The following ADD2 variants were observed in gnomAD, a reference collection of about 807,000 sequenced individuals.
ADD2 encodes the protein beta-adducin.
A neutral mutation model predicts 83.0 loss-of-function variants in ADD2; 23 were observed. That is an observed-to-expected ratio of 0.28 (90% CI 0.20 to 0.39). ADD2 has a LOEUF of 0.39. ADD2 is among the 10% of genes least tolerant of loss of function. The pLI, the probability that ADD2 is intolerant of heterozygous loss-of-function variation, is 1.00. For missense variants in ADD2, 758 were observed against 944.9 expected, an observed-to-expected ratio of 0.80 and a Z score of 2.59; for synonymous variants, 375 against 375.4, an observed-to-expected ratio of 1.00 and a Z score of 0.01.
At chr2:70,711,349 G>T (rs1331703640) in intron 2 of ADD2, 1 of 151,978 alleles carries the variant, frequency 6.6e-6, no homozygotes, top group Non-Finnish European at 1.5e-5. Flanking sequence ...CCTATGATAG[G>T]CCCTTGGTTT....
intron 1 of ADD2, among the ~76,000 whole-genome samples, chr2:70,740,616 T>C (rs1460133975): frequency 7.0e-6 from 1 of 143,262 alleles, no homozygotes; most frequent in Non-Finnish European, 1.5e-5. Flanking sequence ...TTTGTTGTCT[T>C]GTTTTTTGTG....
At position 70,656,937 on chromosome 2, in the gene ADD2, T is replaced by TC. The variant is rs1675378276; in HGVS notation, c.*6487dup. ...CTCAGGAAGTGGCTTTGGAAAGTTC[T>TC]CGTGAAAATCAAAGGGCAGCTTTGG... On this transcript the variant is annotated 3_prime_UTR_variant, in exon 16 of 16. Transcript: ENST00000264436. The TC allele has an allele frequency of 6.6e-6, 1 of 152,082 alleles. No homozygotes were observed. The highest frequency in any genetic ancestry group is 1.5e-5 in the Non-Finnish European group (1 of 68,024). The allele number at this position is 152,082 out of a possible 1,614,324, so 9.4% of individuals were successfully genotyped here.
chr2:70,722,312 A>G (rs1022853768), intron 1 of ADD2, among the ~76,000 whole-genome samples: 5 of 148,542 alleles, frequency 3.4e-5, no homozygotes, highest in East Asian at 3.9e-4. Context: ...ACTGAGAAAG[A>G]AAAAAAAAAC....
chr2:70,664,079 G>A (rs1262268067), intron 15 of ADD2, among the ~76,000 whole-genome samples: 3 of 152,186 alleles, frequency 2.0e-5, no homozygotes, highest in African/African-American at 7.2e-5. Context: ...ACAGAGAAAG[G>A]AGAAGGCGTG....
chr2:70,740,724 G>A (rs1673844206), intron 1 of ADD2, among the ~76,000 whole-genome samples: 1 of 151,962 alleles, frequency 6.6e-6, no homozygotes, highest in African/African-American at 2.4e-5. Context: ...TTTTGAGACA[G>A]GGTCTCACTC....
At chr2:70,718,305 C>A (rs1553376769) in intron 1 of ADD2, among the ~76,000 whole-genome samples, 2 of 152,096 alleles carry the variant, frequency 1.3e-5, no homozygotes, top group African/African-American at 4.8e-5. Flanking sequence ...CGGGAGTGAG[C>A]AAGAACTAGA....
intron 1 of ADD2, among the ~76,000 whole-genome samples, chr2:70,714,569 A>G (rs1378112590): frequency 1.3e-5 from 2 of 152,242 alleles, no homozygotes; most frequent in Non-Finnish European, 2.9e-5. Flanking sequence ...ACTTAGGAAC[A>G]GGTTGCTTCT....
At chr2:70,753,304 T>C (rs782530660) in intron 1 of ADD2, among the ~76,000 whole-genome samples, 1 of 152,114 alleles carries the variant, frequency 6.6e-6, no homozygotes, top group Non-Finnish European at 1.5e-5. Context: ...TTCAATGATC[T>C]TGACAAGAAT....
At chr2:70,721,919 C>T (rs186449412) in intron 1 of ADD2, among the ~76,000 whole-genome samples, 5 of 152,124 alleles carry the variant, frequency 3.3e-5, no homozygotes, top group African/African-American at 9.7e-5. Flanking sequence ...AATACTTAGG[C>T]GAGCCCACAA....
At position 70,662,752 on chromosome 2, in the gene ADD2, G is replaced by T. The variant is rs1675586694; in HGVS notation, c.*673C>A. The T allele has an allele frequency of 6.6e-6, 1 of 152,246 alleles. No homozygotes were observed. The highest frequency in any genetic ancestry group is 1.9e-4 in the East Asian group (1 of 5,198). The allele number at this position is 152,246 out of a possible 1,614,324, so 9.4% of individuals were successfully genotyped here. A position where few individuals can be genotyped will look rare whatever the true frequency, so the allele number is the denominator to read the frequency against. The stretch of plus-strand genomic sequence containing the variant: ...CCATCCCCAATCCTCAGCTTACATG[G>T]CTTGCCCCTATGCCTACCACCTCTT... On this transcript the variant is annotated 3_prime_UTR_variant, in exon 16 of 16. Transcript: ENST00000264436.
intron 3 of ADD2, 27 bp from the exon 4 acceptor site, chr2:70,704,486 C>T (rs1417269470): frequency 2.5e-6 from 4 of 1,611,978 alleles, no homozygotes; most frequent in Non-Finnish European, 3.4e-6. Context: ...GGTGCTTGTC[C>T]CCCCACAGCC....
chr2:70,767,495 G>T, intron 1 of ADD2: 1 of 415,416 alleles, frequency 2.4e-6, no homozygotes, highest in South Asian at 1.1e-4. Flanking sequence ...GCGGCCGAGC[G>T]GGAAGGAAAG....
chr2:70,696,177 G>A (rs1260829044), intron 5 of ADD2, 68 bp downstream of exon 5: 1 of 1,558,640 alleles, frequency 6.4e-7, no homozygotes, highest in Non-Finnish European at 8.7e-7. Context: ...CAAGGGTCAG[G>A]AGTTCTCCCT....
chr2:70,712,531 G>A (rs1261223983), intron 2 of ADD2, among the ~76,000 whole-genome samples: 3 of 151,896 alleles, frequency 2.0e-5, no homozygotes, highest in African/African-American at 7.3e-5. Context: ...AGATAACAGT[G>A]GAATCATGAT....
chr2:70,728,713 C>T (rs182963041), intron 1 of ADD2, among the ~76,000 whole-genome samples: 5 of 152,338 alleles, frequency 3.3e-5, no homozygotes, highest in East Asian at 3.9e-4. Context: ...AGCCCTTTGA[C>T]GTCTGTACCT....
intron 3 of ADD2, among the ~76,000 whole-genome samples, chr2:70,704,890 G>T (rs1429200509): frequency 1.3e-5 from 2 of 152,154 alleles, no homozygotes; most frequent in African/African-American, 2.4e-5. Context: ...TAATGAAAGG[G>T]TAGGAGGAAG....
Position 70,692,542 on chromosome 2 carries a change from T to G in ADD2, c.566A>C (p.Asn189Thr), listed in dbSNP as rs1296621355. The change falls in exon 7 of 16, where the codon AAC (asparagine) becomes ACC (threonine). Residue 189 changes from asparagine (N) to threonine (T), a missense_variant. Coordinates refer to ENST00000264436, the MANE Select transcript of ADD2 (RefSeq NM_001617.4). The stretch of plus-strand genomic sequence containing the variant: ...CTTCTCCACCACCTCTCCCAGAATG[T>G]TCACCTTGATCTGCGCCAGGGAAGA... ...EVTASSLIKV[N>T]ILGEVVEKGS... The G allele has an allele frequency of 1.2e-6, 2 of 1,606,094 alleles. No homozygotes were observed. The highest frequency in any genetic ancestry group is 1.7e-6 in the Non-Finnish European group (2 of 1,176,812).
At chr2:70,728,799 C>T (rs548631867) in intron 1 of ADD2, among the ~76,000 whole-genome samples, 2 of 152,336 alleles carry the variant, frequency 1.3e-5, no homozygotes, top group South Asian at 4.1e-4. Flanking sequence ...CATCCTCCTC[C>T]TACCCACACA....
chr2:70,663,336 T>A lies in ADD2; in HGVS notation c.*89A>T. Reference sequence around the variant, plus strand: ...GTGGTCCAGGGTCCTACTCTATCCCTCCTTAGCCCTGTGCTTGCAGGGACA... The same window carrying A: ...GTGGTCCAGGGTCCTACTCTATCCCACCTTAGCCCTGTGCTTGCAGGGACA... On this transcript the variant is annotated 3_prime_UTR_variant, in exon 16 of 16. Coordinates refer to ENST00000264436, the MANE Select transcript of ADD2 (RefSeq NM_001617.4). 3.5e-6 allele frequency: 5 copies of A among 1,420,716 alleles called. No homozygotes were observed. The highest frequency in any genetic ancestry group is 3.9e-6 in the Non-Finnish European group (4 of 1,037,590). 88.0% of individuals were successfully genotyped at this position (1,420,716 alleles called of 1,614,324 possible). A position where few individuals can be genotyped will look rare whatever the true frequency, so the allele number is the denominator to read the frequency against.
Sources: allele counts gnomAD v4.1 joint callset (sites outside exome capture counted in the v4.1 genomes callset), GRCh38; gene constraint gnomAD v4.1.1; transcripts MANE v1.5; gene names NCBI Gene and HGNC (gene_info 2026-07-23, HGNC 2026-07-21).